ZFAT: variants seen among roughly 807,000 people sequenced by gnomAD.
ZFAT encodes zinc finger protein ZFAT.
A neutral mutation model predicts 117.7 loss-of-function variants in ZFAT; 64 were observed. The observed-to-expected ratio is 0.54, with a 90% CI of 0.44 to 0.67. ZFAT has a LOEUF of 0.67. ZFAT is among the 30% of genes least tolerant of loss of function. ZFAT has a pLI of 0.00. For missense variants in ZFAT, 1,433 were observed against 1,584.5 expected, an observed-to-expected ratio of 0.90 and a Z score of 1.62; for synonymous variants, 679 against 615.0, an observed-to-expected ratio of 1.10 and a Z score of -1.54.
intron 15 of ZFAT, among the ~76,000 whole-genome samples, chr8:134,508,177 G>A (rs1476875179): frequency 6.6e-6 from 1 of 152,160 alleles, no homozygotes; most frequent in Non-Finnish European, 1.5e-5. Context: ...TTGTCCGTAG[G>A]TCAAGAAACC....
chr8:134,750,850 G>A, the ZFAT span, among the ~76,000 whole-genome samples: 9 of 152,260 alleles, frequency 5.9e-5, no homozygotes, highest in East Asian at 9.6e-4. Flanking sequence ...ATCTTTTAAC[G>A]TTCTATCACG....
chr8:134,825,572 G>A, the ZFAT span, among the ~76,000 whole-genome samples: 3 of 152,158 alleles, frequency 2.0e-5, no homozygotes, highest in African/African-American at 4.8e-5. Context: ...CTCTATCAGC[G>A]CATTAGAAGT....
chr8:134,713,108 G>T (rs1814089300), upstream of ZFAT: 1 of 402,482 alleles, frequency 2.5e-6, no homozygotes, highest in Non-Finnish European at 4.3e-6. Flanking sequence ...CTCCCCCGGC[G>T]CCGAGCGCGG....
intron 7 of ZFAT, among the ~76,000 whole-genome samples, chr8:134,591,820 A>C (rs1037805731): frequency 6.6e-6 from 1 of 152,184 alleles, no homozygotes; most frequent in Non-Finnish European, 1.5e-5. Context: ...AGAGGCATGG[A>C]CCACATCCTC....
Position 134,602,926 on chromosome 8 carries a change from G to A in ZFAT, c.793C>T (p.Pro265Ser), listed in dbSNP as rs1337506078. 1 of 1,606,000 alleles carries A rather than the reference G, an allele frequency of 6.2e-7. No individual in the cohort carries two copies. The highest frequency in any genetic ancestry group is 2.2e-5 in the East Asian group (1 of 44,854). Reference sequence around the variant, plus strand: ...CAAGTGAAGATTTTGAGCTGAGTGGGACCTAGCCTAGAAACAGATGACAGC... The same window carrying A: ...CAAGTGAAGATTTTGAGCTGAGTGGAACCTAGCCTAGAAACAGATGACAGC... The part of the protein sequence containing the change: ...EQPMKSSRLG[P>S]TQLKIFTCEY... The change falls in exon 6 of 16, where the codon CCC (proline) becomes TCC (serine). Residue 265 changes from proline to serine, a missense_variant. Pro to Ser is a moderately conservative substitution (Grantham distance 74). Coordinates refer to ENST00000377838, the MANE Select transcript of ZFAT (RefSeq NM_020863.4).
In ZFAT at chr8:134,478,942, G is replaced by A. The variant is rs917595042; in HGVS notation, c.3493-221C>T. On this transcript the variant is annotated intron_variant, in intron 15 of 15. Transcript: ENST00000377838. The surrounding 1 kb of genome is among the most constrained non-coding windows in gnomAD (Gnocchi z 5.2). ...GGCAACGTGGTCAGGGTCCCCAGCC[G>A]TGGCAAATGGTGGAACCTAAGTTCA... is the stretch of plus-strand genomic sequence containing the variant. 9.9e-5 allele frequency among the ~76,000 whole-genome samples: 15 copies of A among 152,164 alleles called. No homozygotes were observed. Among genetic ancestry groups the A allele is most frequent in the African/African-American group, 1.4e-4 (6 of 41,424 alleles).
intron 6 of ZFAT, among the ~76,000 whole-genome samples, chr8:134,601,013 G>T (rs1273898445): frequency 3.9e-5 from 6 of 152,144 alleles, no homozygotes; most frequent in Admixed American, 3.3e-4. Flanking sequence ...TCTGGAGCTG[G>T]ATTTTCTATA....
upstream of ZFAT, among the ~76,000 whole-genome samples, chr8:134,714,107 G>T (rs1586984074): frequency 1.1e-5 from 1 of 94,426 alleles, no homozygotes; most frequent in African/African-American, 3.9e-5. Flanking sequence ...GCAAAGACAT[G>T]CCCCCCCCCC....
chr8:134,638,577 A>AAAAC (rs1563711829), intron 2 of ZFAT, among the ~76,000 whole-genome samples: 5 of 142,924 alleles, frequency 3.5e-5, no homozygotes, highest in African/African-American at 7.9e-5. Context: ...AAAAAAAAAA[A>AAAAC]CATTAACCAG....
chr8:134,776,524 T>TTTGTTG, the ZFAT span, among the ~76,000 whole-genome samples: 6 of 152,188 alleles, frequency 3.9e-5, no homozygotes, highest in Non-Finnish European at 7.4e-5. Flanking sequence ...GGCTTCGTTT[T>TTTGTTG]TTGTTGTTGT....
At chr8:134,790,460 G>A in the ZFAT span, among the ~76,000 whole-genome samples, 134 of 152,208 alleles carry the variant, frequency 8.8e-4, 2 homozygotes, top group South Asian at 2.1e-3. Context: ...TCATTATAAC[G>A]TAGCCGTTAG....
chr8:134,819,748 T>C, the ZFAT span, among the ~76,000 whole-genome samples: 5 of 152,058 alleles, frequency 3.3e-5, no homozygotes, highest in Admixed American at 2.6e-4. Flanking sequence ...GATAATATGA[T>C]GAAAGCTAGG....
At chr8:134,659,197 C>G (rs1831806731) in intron 1 of ZFAT, among the ~76,000 whole-genome samples, 1 of 152,224 alleles carries the variant, frequency 6.6e-6, no homozygotes. Context: ...CTCCTCGCTC[C>G]TCACTCTCAA....
intron 15 of ZFAT, among the ~76,000 whole-genome samples, chr8:134,496,632 G>A (rs549341519): frequency 1.1e-4 from 17 of 152,326 alleles, no homozygotes; most frequent in Non-Finnish European, 2.9e-5. Context: ...AATGTACCAG[G>A]CCCTGAGCCA....
At chr8:134,730,962 G>T in the ZFAT span, among the ~76,000 whole-genome samples, 3 of 152,220 alleles carry the variant, frequency 2.0e-5, no homozygotes, top group African/African-American at 7.2e-5. Flanking sequence ...ATCCAAAGAT[G>T]AAACGGTTGC....
chr8:134,716,157 A>G (rs1301779592), upstream of ZFAT, among the ~76,000 whole-genome samples: 1 of 139,714 alleles, frequency 7.2e-6, no homozygotes, highest in Non-Finnish European at 1.6e-5. Context: ...ATATATATAT[A>G]TATGTATATA....
intron 1 of ZFAT, among the ~76,000 whole-genome samples, chr8:134,702,179 C>A (rs1410737973): frequency 6.6e-6 from 1 of 152,216 alleles, no homozygotes; most frequent in Non-Finnish European, 1.5e-5. Flanking sequence ...GCCTCCAGAA[C>A]TATAAGAAAT....
chr8:134,743,672 G>A, the ZFAT span, among the ~76,000 whole-genome samples: 1 of 152,104 alleles, frequency 6.6e-6, no homozygotes, highest in African/African-American at 2.4e-5. Context: ...GTAAAATAGT[G>A]CTTTTCACAG....
At chr8:134,500,472 T>A (rs1818889167) in intron 15 of ZFAT, among the ~76,000 whole-genome samples, 1 of 152,210 alleles carries the variant, frequency 6.6e-6, no homozygotes, top group Non-Finnish European at 1.5e-5. Context: ...ACCTTTGTTC[T>A]CTATGTTTTC....
Sources: gnomAD v4.1 joint callset for allele counts (sites outside exome capture counted in the v4.1 genomes callset) on GRCh38, gnomAD v4.1.1 for gene constraint, Gnocchi (gnomAD v3.1) non-coding constraint, MANE v1.5 for transcripts, NCBI Gene and HGNC (gene_info 2026-07-23, HGNC 2026-07-21) for gene names.